The following CAPRIN2 variants were observed in gnomAD, a reference collection of about 807,000 sequenced individuals.
CAPRIN2 encodes caprin family member 2.
Under a neutral mutation model 130.4 loss-of-function variants are expected in CAPRIN2, and 66 were observed. The observed-to-expected ratio is 0.51, with a 90% CI of 0.42 to 0.62. The LOEUF (loss-of-function observed/expected upper bound fraction) is 0.62, where lower values mean the gene tolerates loss of function less well. Among genes scored for constraint, CAPRIN2 ranks in the 20% least tolerant of loss-of-function variants. The pLI is 0.00. For synonymous variants in CAPRIN2, 471 were observed against 444.1 expected, an observed-to-expected ratio of 1.06 and a Z score of -0.76; for missense variants, 1,185 against 1,246.6, an observed-to-expected ratio of 0.95 and a Z score of 0.74.
exon 4 of CAPRIN2, chr12:30,735,134 G>T: frequency 6.2e-7 from 1 of 1,614,092 alleles, no homozygotes; most frequent in Non-Finnish European, 8.5e-7. Context: ...AGTATAGTTC[G>T]AAGCTTTTTC....
exon 14 of CAPRIN2, chr12:30,714,962 T>C: frequency 6.2e-7 from 1 of 1,612,778 alleles, no homozygotes; most frequent in Non-Finnish European, 8.5e-7. Flanking sequence ...GGCATACCTT[T>C]ATAACCACCA....
Position 30,711,632 on chromosome 12 carries a change from A to C in CAPRIN2, c.2602-3T>G, listed in dbSNP as rs372636040. On this transcript the variant is annotated splice_region_variant and splice_polypyrimidine_tract_variant and intron_variant, in intron 15 of 16. Coordinates refer to ENST00000298892, the Ensembl canonical transcript of CAPRIN2. ...TTATAACACTGCTGGAAATTATCCT[A>C]AAGTGAACATATAATATTTACCTTG... 1 of 1,611,608 alleles carries C rather than the reference A, an allele frequency of 6.2e-7. No individual in the cohort carries two copies. The highest frequency in any genetic ancestry group is 8.5e-7 in the Non-Finnish European group (1 of 1,177,748).
chr12:30,712,733 CTTTTTTTTTTT>C (rs754373140), intron 15 of CAPRIN2, among the ~76,000 whole-genome samples: 15 of 107,306 alleles, frequency 1.4e-4, no homozygotes, highest in East Asian at 3.0e-4. Flanking sequence ...GTTTTCCACT[CTTTTTTTTTTT>C]TTTTTTTTTT....
At chr12:30,717,609 A>G (rs956973211) in intron 12 of CAPRIN2, among the ~76,000 whole-genome samples, 2 of 152,176 alleles carry the variant, frequency 1.3e-5, no homozygotes, top group Non-Finnish European at 2.9e-5. Context: ...AAAAAAACAA[A>G]AAAACACTCC....
chr12:30,711,904 A>G lies in CAPRIN2; in HGVS notation c.2602-275T>C, dbSNP rs1015663151. On this transcript the variant is annotated intron_variant, in intron 15 of 16. Coordinates refer to ENST00000298892, the Ensembl canonical transcript of CAPRIN2. The stretch of plus-strand genomic sequence containing the variant: ...GCACTTGGAGAATACTATGTAAAAG[A>G]TACAATGCTAGGTAATGAGAGAAAT... 27 of 559,032 alleles carry G rather than the reference A, an allele frequency of 4.8e-5. No individual in the cohort carries two copies. The African/African-American group carries it at 5.0e-4, about 10-fold the overall frequency. 34.6% of individuals were successfully genotyped at this position (559,032 alleles called of 1,614,324 possible).
intron 1 of CAPRIN2, 30 bp from the exon 3 acceptor site, chr12:30,751,163 G>A (rs2073636210): frequency 1.3e-6 from 2 of 1,573,846 alleles, no homozygotes; most frequent in African/African-American, 1.3e-5. Flanking sequence ...ATCTACCATA[G>A]TCTGACATAA....
intron 10 of CAPRIN2, among the ~76,000 whole-genome samples, chr12:30,723,816 T>C (rs2060120267): frequency 6.6e-6 from 1 of 152,182 alleles, no homozygotes; most frequent in Non-Finnish European, 1.5e-5. Context: ...TTACTCTCAC[T>C]TCACCCAGGA....
intron 2 of CAPRIN2, among the ~76,000 whole-genome samples, chr12:30,747,962 A>G (rs887208411): frequency 2.4e-4 from 37 of 152,338 alleles, no homozygotes; most frequent in African/African-American, 8.2e-4. Context: ...CAAGAGAACT[A>G]CAAGTAGAGC....
At chr12:30,733,006 T>C (rs2138191755) in intron 5 of CAPRIN2, among the ~76,000 whole-genome samples, 1 of 152,230 alleles carries the variant, frequency 6.6e-6, no homozygotes, top group Non-Finnish European at 1.5e-5. Flanking sequence ...CTTAAGATAG[T>C]TATAGATATT....
At chr12:30,709,964 C>G (rs2053753804) in exon 17 of CAPRIN2, 1 of 1,612,166 alleles carries the variant, frequency 6.2e-7, no homozygotes, top group Non-Finnish European at 8.5e-7. Context: ...CCATAAATTG[C>G]TCCCCTGTGC....
At position 30,730,178 on chromosome 12, in the gene CAPRIN2, C is replaced by T. The variant is rs190875047; in HGVS notation, c.1104+61G>A. The stretch of plus-strand genomic sequence containing the variant: ...CTGGCTCCAGAGCCTTAGCTTCCAA[C>T]CATAACCCTATGCAAAAGGCTGAAA... On this transcript the variant is annotated intron_variant, in intron 7 of 16. Transcript: ENST00000298892. 8.6e-5 allele frequency: 118 copies of T among 1,371,634 alleles called. No individual in the cohort carries two copies. In the African/African-American group the frequency reaches 9.3e-4, roughly 11 times the overall value. The allele number at this position is 1,371,634 out of a possible 1,614,324, so 85.0% of individuals were successfully genotyped here.
intron 15 of CAPRIN2, chr12:30,711,879 G>A (rs2054872431): frequency 3.2e-6 from 2 of 622,372 alleles, no homozygotes; most frequent in Admixed American, 4.2e-5. Context: ...AAACAACAAA[G>A]CACTTGGAGA....
chr12:30,742,975 GA>G (rs1020924855), intron 2 of CAPRIN2, among the ~76,000 whole-genome samples: 50 of 152,102 alleles, frequency 3.3e-4, no homozygotes. Context: ...AAACTATAAA[GA>G]AATACTCCAT....
intron 2 of CAPRIN2, among the ~76,000 whole-genome samples, chr12:30,743,532 A>G (rs915359132): frequency 2.0e-5 from 3 of 152,128 alleles, no homozygotes; most frequent in African/African-American, 7.2e-5. Context: ...CCTGCTCTAC[A>G]GACATTTCTT....
chr12:30,753,397 C>A lies in CAPRIN2; in HGVS notation c.367G>T (p.Glu123Ter). ...TGTTTAAGGCATATGAGTCCATTTTCAATATAGGTCTCATACGCTTGGGAA... is the reference window on the plus strand; with the variant it reads ...TGTTTAAGGCATATGAGTCCATTTTAAATATAGGTCTCATACGCTTGGGAA... The change falls in exon 1 of 17, where the codon GAA becomes TAA. Residue 123 changes from glutamate to a stop codon, truncating the protein, a stop_gained. Transcript: ENST00000298892. LOFTEE classifies it high-confidence loss of function. The A allele has an allele frequency of 6.2e-7, 1 of 1,613,646 alleles. No homozygotes were observed. Among genetic ancestry groups the A allele is most frequent in the South Asian group, 1.1e-5 (1 of 91,056 alleles).
In CAPRIN2 at chr12:30,711,557, T is replaced by A. The variant is rs1258258028; in HGVS notation, c.2665+9A>T. On this transcript the variant is annotated intron_variant, in intron 16 of 16. Transcript: ENST00000298892. ...TGGGTAAGAAAACTATTCAGCTAATTACCCTTACCTCTCGAATTTGCTCGT... is the reference window on the plus strand; with the variant it reads ...TGGGTAAGAAAACTATTCAGCTAATAACCCTTACCTCTCGAATTTGCTCGT... 2.5e-6 allele frequency: 4 copies of A among 1,608,344 alleles called. No individual in the cohort carries two copies. In the African/African-American group the frequency reaches 5.3e-5, roughly 21 times the overall value.
At chr12:30,753,428 T>C in exon 1 of CAPRIN2, 1 of 1,614,096 alleles carries the variant, frequency 6.2e-7, no homozygotes, top group Non-Finnish European at 8.5e-7. Flanking sequence ...GGGAAGGAGA[T>C]GCAGCAGAAC....
At chr12:30,729,038 T>C in exon 8 of CAPRIN2, 1 of 1,614,162 alleles carries the variant, frequency 6.2e-7, no homozygotes, top group Non-Finnish European at 8.5e-7. Context: ...ATGGCTTGGA[T>C]TTGGAGATCT....
chr12:30,735,906 C>T (rs1346368550), intron 3 of CAPRIN2, among the ~76,000 whole-genome samples: 2 of 151,978 alleles, frequency 1.3e-5, no homozygotes, highest in East Asian at 1.9e-4. Flanking sequence ...TTTGGGAGGT[C>T]GAGGAGGGTG....
Sources: gnomAD v4.1 joint callset for allele counts (sites outside exome capture counted in the v4.1 genomes callset) on GRCh38, gnomAD v4.1.1 for gene constraint, MANE v1.5 for transcripts, NCBI Gene and HGNC (gene_info 2026-07-23, HGNC 2026-07-21) for gene names.